The following SGCD variants were observed in gnomAD, a reference collection of about 807,000 sequenced individuals.
The protein encoded by SGCD is sarcoglycan delta.
SGCD carries 18 observed loss-of-function variants against 36.6 expected under a neutral mutation model. That is an observed-to-expected ratio of 0.49 (90% CI 0.34 to 0.73). The LOEUF (loss-of-function observed/expected upper bound fraction) is 0.73. SGCD is among the 30% of genes least tolerant of loss of function. The probability of loss-of-function intolerance (pLI) is 0.01; values close to 1 mark genes in which losing one functional copy is unlikely to be tolerated. For synonymous variants in SGCD, 133 were observed against 130.6 expected, an observed-to-expected ratio of 1.02 and a Z score of -0.12; for missense variants, 387 against 346.7, an observed-to-expected ratio of 1.12 and a Z score of -0.92.
chr5:156,227,919 G>A (rs1764899052), intron 3 of SGCD, among the ~76,000 whole-genome samples: 1 of 152,012 alleles, frequency 6.6e-6, no homozygotes, highest in South Asian at 2.1e-4. Context: ...TTCAGGAGCA[G>A]GTTATTTAAT....
the SGCD span, among the ~76,000 whole-genome samples, chr5:155,830,034 G>A: frequency 3.3e-5 from 5 of 152,042 alleles, no homozygotes; most frequent in African/African-American, 1.2e-4. Context: ...TGAGGGGATG[G>A]AGGCCCAAAG....
Position 155,949,597 on chromosome 5 carries a change from C to T in SGCD, c.-282+79173C>T, listed in dbSNP as rs112682708. On this transcript the variant is annotated intron_variant, in intron 1 of 9. Transcript: ENST00000517913. ...GAGGTCAGCGATAGATTTTACACGT[C>T]TAAATAATTGGAAAAGTCAAATTGA... 1.9e-3 allele frequency among the ~76,000 whole-genome samples: 288 copies of T among 152,156 alleles called. 2 individuals carry two copies. The highest frequency in any genetic ancestry group is 2.8e-3 in the Non-Finnish European group (191 of 68,012).
chr5:156,378,064 C>T (rs1451922684), intron 3 of SGCD, among the ~76,000 whole-genome samples: 1 of 152,138 alleles, frequency 6.6e-6, no homozygotes, highest in Non-Finnish European at 1.5e-5. Context: ...TTCATCGTAG[C>T]ATTATTCTCA....
At chr5:155,864,366 G>A in the SGCD span, among the ~76,000 whole-genome samples, 3 of 152,262 alleles carry the variant, frequency 2.0e-5, no homozygotes, top group East Asian at 3.9e-4. Context: ...TAATTTCATT[G>A]TGTTTATCAG....
chr5:156,644,891 T>G (rs967586180), intron 6 of SGCD, among the ~76,000 whole-genome samples: 1 of 151,706 alleles, frequency 6.6e-6, no homozygotes, highest in Non-Finnish European at 1.5e-5. Flanking sequence ...GAGAAGCTGG[T>G]TTTTTATTAC....
chr5:156,464,464 C>A (rs1754637726), intron 3 of SGCD, among the ~76,000 whole-genome samples: 1 of 152,114 alleles, frequency 6.6e-6, no homozygotes, highest in Non-Finnish European at 1.5e-5. Flanking sequence ...TCGTGATCCA[C>A]CTGCTTTGGC....
At chr5:156,492,846 G>A (rs1176621723) in intron 3 of SGCD, among the ~76,000 whole-genome samples, 1 of 152,152 alleles carries the variant, frequency 6.6e-6, no homozygotes, top group African/African-American at 2.4e-5. Flanking sequence ...AGTTTGCTGA[G>A]AAGGATGGTT....
chr5:156,108,082 G>T (rs558813740), intron 1 of SGCD, among the ~76,000 whole-genome samples: 13 of 152,174 alleles, frequency 8.5e-5, no homozygotes, highest in African/African-American at 3.1e-4. Context: ...TTGGTATATT[G>T]TTGGCCATTT....
chr5:155,907,385 T>G (rs1444066163), intron 1 of SGCD, among the ~76,000 whole-genome samples: 1 of 152,146 alleles, frequency 6.6e-6, no homozygotes, highest in Admixed American at 6.6e-5. Flanking sequence ...CATGTCTTAT[T>G]ATTTAGGAAA....
At position 156,647,478 on chromosome 5, in the gene SGCD, G is replaced by C. The variant is rs1307746243; in HGVS notation, c.517G>C (p.Val173Leu). 1.9e-6 allele frequency: 3 copies of C among 1,584,802 alleles called. No individual in the cohort carries two copies. The highest frequency in any genetic ancestry group is 1.8e-5 in the Admixed American group (1 of 56,232). Residue 173 changes from valine to leucine, a missense_variant, in exon 7 of 9, where the codon GTG becomes CTG. Transcript: ENST00000337851. ...RLRVLGAEGTVFPKSIETPNV... is the reference protein window; with the variant it reads ...RLRVLGAEGTLFPKSIETPNV... ...TTTGTTTACAGGAGCGGAGGGCACA[G>C]TGTTCCCTAAATCTATAGAAACACC...
chr5:156,281,146 T>C (rs770464158), intron 3 of SGCD, among the ~76,000 whole-genome samples: 2 of 152,170 alleles, frequency 1.3e-5, no homozygotes, highest in African/African-American at 2.4e-5. Context: ...GTTGGTATTT[T>C]TGAAAGTGTT....
At chr5:156,701,240 G>A (rs925583405) in intron 7 of SGCD, among the ~76,000 whole-genome samples, 19 of 152,144 alleles carry the variant, frequency 1.2e-4, no homozygotes, top group African/African-American at 4.3e-4. Context: ...TGTCTTTGCT[G>A]TCTCAGTAAA....
chr5:156,451,538 T>G (rs368502215), intron 3 of SGCD, among the ~76,000 whole-genome samples: 1 of 152,082 alleles, frequency 6.6e-6, no homozygotes, highest in African/African-American at 2.4e-5. Context: ...AAGAATGGAA[T>G]CATAAAAGTA....
intron 1 of SGCD, among the ~76,000 whole-genome samples, chr5:156,067,895 G>T (rs868137167): frequency 2.3e-5 from 3 of 128,914 alleles, no homozygotes; most frequent in South Asian, 2.1e-4. Context: ...AGAAATCACC[G>T]TCTTCTGCGT....
In SGCD at chr5:156,028,800, C is replaced by T. The variant is rs535017565; in HGVS notation, c.-281-89078C>T. 3.3e-5 allele frequency among the ~76,000 whole-genome samples: 5 copies of T among 152,190 alleles called. No homozygotes were observed. In the South Asian group the frequency reaches 8.3e-4, roughly 25 times the overall value. On this transcript the variant is annotated intron_variant, in intron 1 of 9. Coordinates refer to the SGCD transcript ENST00000517913. ...AATCACAAGATAACAATTTAATAATCGTCTTTCACAAGGAAGAGAATACAG... is the reference window on the plus strand; with the variant it reads ...AATCACAAGATAACAATTTAATAATTGTCTTTCACAAGGAAGAGAATACAG...
At chr5:156,354,827 G>A (rs573867768) in intron 3 of SGCD, among the ~76,000 whole-genome samples, 11 of 152,280 alleles carry the variant, frequency 7.2e-5, no homozygotes, top group African/African-American at 2.6e-4. Flanking sequence ...CTGAGAACCT[G>A]CAGGTCAGTC....
chr5:156,036,173 C>T (rs1190345357), intron 1 of SGCD, among the ~76,000 whole-genome samples: 1 of 152,096 alleles, frequency 6.6e-6, no homozygotes, highest in African/African-American at 2.4e-5. Context: ...AGTCTGCTTG[C>T]CTGGTGGGCT....
the SGCD span, among the ~76,000 whole-genome samples, chr5:155,829,325 G>C: frequency 6.7e-6 from 1 of 149,810 alleles, no homozygotes; most frequent in Admixed American, 6.6e-5. Flanking sequence ...GTTGAAGTGA[G>C]TTGAGTTGTT....
chr5:156,700,942 CAAA>C (rs66896485), intron 7 of SGCD, among the ~76,000 whole-genome samples: 4 of 128,466 alleles, frequency 3.1e-5, no homozygotes, highest in Admixed American at 8.1e-5. Context: ...GACCTTGTCT[CAAA>C]AAAAAAAAAA....
Sources: gnomAD v4.1 joint callset for allele counts (sites outside exome capture counted in the v4.1 genomes callset) on GRCh38, gnomAD v4.1.1 for gene constraint, MANE v1.5 for transcripts, NCBI Gene and HGNC (gene_info 2026-07-23, HGNC 2026-07-21) for gene names.